The following PABPC4L variants were observed in gnomAD, a reference collection of about 807,000 sequenced individuals.
PABPC4L encodes the protein polyadenylate-binding protein 4-like.
For synonymous variants in PABPC4L, 169 were observed against 164.1 expected (o/e 1.03, Z -0.23); for missense variants, 452 against 451.4 (o/e 1.00, Z -0.01).
Position 134,196,984 on chromosome 4 carries a change from G to C in PABPC4L, c.*2923C>G, listed in dbSNP as rs1221997850. The C allele has an allele frequency of 3.3e-5, 5 of 151,664 alleles. No homozygotes were observed. Among genetic ancestry groups the C allele is most frequent in the African/African-American group, 1.2e-4 (5 of 41,402 alleles). The allele number at this position is 151,664 out of a possible 1,614,324, so 9.4% of individuals were successfully genotyped here. A position where few individuals can be genotyped will look rare whatever the true frequency, so the allele number is the denominator to read the frequency against. ...TCCTGATATTATCTTGAAAGATTATGTAAGCATTATCAAATATTGTTCAAA... is the reference window on the plus strand; with the variant it reads ...TCCTGATATTATCTTGAAAGATTATCTAAGCATTATCAAATATTGTTCAAA... On this transcript the variant is annotated 3_prime_UTR_variant, in exon 2 of 2. Coordinates refer to ENST00000421491, the MANE Select transcript of PABPC4L (RefSeq NM_001114734.2).
At chr4:134,015,319 CA>C in the PABPC4L span, among the ~76,000 whole-genome samples, 15 of 152,114 alleles carry the variant, frequency 9.9e-5, no homozygotes. Context: ...GCCTTATCAA[CA>C]AAATTGTTTT....
the PABPC4L span, among the ~76,000 whole-genome samples, chr4:134,061,033 T>TA: frequency 2.0e-5 from 3 of 151,978 alleles, no homozygotes; most frequent in Middle Eastern, 3.4e-3. Flanking sequence ...GTGACTATAG[T>TA]AAAAAAATAA....
the PABPC4L span, among the ~76,000 whole-genome samples, chr4:134,087,399 A>T: frequency 6.6e-6 from 1 of 152,202 alleles, no homozygotes; most frequent in East Asian, 1.9e-4. Context: ...TTGGTCACTC[A>T]CTATTTGGCT....
chr4:134,188,481 G>A, the PABPC4L span, among the ~76,000 whole-genome samples: 4 of 152,096 alleles, frequency 2.6e-5, no homozygotes. Flanking sequence ...CTCTTGCAAG[G>A]AAGGTGTACT....
In PABPC4L at chr4:134,200,737, A is replaced by G; in HGVS notation, c.283T>C (p.Ser95Pro). 6.4e-7 allele frequency: 1 copy of G among 1,551,694 alleles called. No individual in the cohort carries two copies. ...TTGATGAATACGTTCCCAATTCCAG[A>G]TCTCCTCAAGTAGGCATCGCGCTGA... ...WSQRDAYLRR[S>P]GIGNVFIKNL... The change falls in exon 2 of 2, where the codon TCT (serine) becomes CCT (proline). Residue 95 changes from serine to proline, a missense_variant. Physicochemically the swap from Ser to Pro is moderately conservative, Grantham distance 74. Coordinates refer to ENST00000421491, the MANE Select transcript of PABPC4L (RefSeq NM_001114734.2).
chr4:133,994,452 T>A, the PABPC4L span, among the ~76,000 whole-genome samples: 1 of 152,116 alleles, frequency 6.6e-6, no homozygotes. Context: ...AGAGGTTGTA[T>A]AACTGCTTTT....
the PABPC4L span, among the ~76,000 whole-genome samples, chr4:134,022,689 G>C: frequency 6.6e-6 from 1 of 151,598 alleles, no homozygotes; most frequent in Non-Finnish European, 1.5e-5. Flanking sequence ...ATTTAGTTTA[G>C]TTTTGTTTTT....
chr4:133,984,513 G>A, the PABPC4L span, among the ~76,000 whole-genome samples: 1 of 151,786 alleles, frequency 6.6e-6, no homozygotes, highest in Non-Finnish European at 1.5e-5. Flanking sequence ...TATATCATTA[G>A]TCATGTAGGT....
At chr4:133,986,988 G>A in the PABPC4L span, among the ~76,000 whole-genome samples, 2 of 151,974 alleles carry the variant, frequency 1.3e-5, no homozygotes, top group African/African-American at 4.8e-5. Context: ...TACCCGACTC[G>A]ACCTCCCAAA....
At chr4:134,130,236 C>A in the PABPC4L span, among the ~76,000 whole-genome samples, 1 of 151,466 alleles carries the variant, frequency 6.6e-6, no homozygotes, top group Non-Finnish European at 1.5e-5. Context: ...ATAAATGAAA[C>A]AAAAACCTGA....
At chr4:134,133,583 G>A in the PABPC4L span, among the ~76,000 whole-genome samples, 2 of 151,272 alleles carry the variant, frequency 1.3e-5, no homozygotes, top group African/African-American at 4.9e-5. Flanking sequence ...CCTCAAGAAT[G>A]GAAACCCAAT....
chr4:133,954,458 T>C, the PABPC4L span, among the ~76,000 whole-genome samples: 4 of 152,126 alleles, frequency 2.6e-5, no homozygotes, highest in African/African-American at 7.2e-5. Context: ...ACCAAAGACT[T>C]ATGAATGGGA....
the PABPC4L span, among the ~76,000 whole-genome samples, chr4:134,099,682 T>C: frequency 6.6e-6 from 1 of 151,772 alleles, no homozygotes; most frequent in East Asian, 1.9e-4. Flanking sequence ...GATTTGGAAA[T>C]AAGCTTGACA....
downstream of PABPC4L, among the ~76,000 whole-genome samples, chr4:134,192,136 T>C (rs575438700): frequency 5.9e-5 from 9 of 152,258 alleles, no homozygotes; most frequent in South Asian, 2.1e-4. Context: ...TCAAGTGATA[T>C]ATGAATAAAC....
At chr4:134,078,831 T>G in the PABPC4L span, among the ~76,000 whole-genome samples, 1 of 151,344 alleles carries the variant, frequency 6.6e-6, no homozygotes, top group Non-Finnish European at 1.5e-5. Context: ...TTTTTTTTCT[T>G]TTTTTTCTTT....
the PABPC4L span, among the ~76,000 whole-genome samples, chr4:134,150,931 A>T: frequency 6.6e-6 from 1 of 152,200 alleles, no homozygotes; most frequent in Non-Finnish European, 1.5e-5. Context: ...TATATTAATA[A>T]ACGAAACATG....
the PABPC4L span, among the ~76,000 whole-genome samples, chr4:133,999,408 G>A: frequency 6.6e-6 from 1 of 151,928 alleles, no homozygotes; most frequent in Non-Finnish European, 1.5e-5. Context: ...GCTTCCTTTT[G>A]TCGTTGTTGT....
chr4:134,187,058 G>C, the PABPC4L span, among the ~76,000 whole-genome samples: 4 of 152,230 alleles, frequency 2.6e-5, no homozygotes, highest in Non-Finnish European at 5.9e-5. Context: ...TGCTGGAGAG[G>C]ATGTGGAGAA....
chr4:133,981,440 A>G, the PABPC4L span, among the ~76,000 whole-genome samples: 1 of 152,148 alleles, frequency 6.6e-6, no homozygotes, highest in Non-Finnish European at 1.5e-5. Flanking sequence ...AAACAATTCT[A>G]TTGAAAAAAA....
Sources: gnomAD v4.1 joint callset for allele counts (sites outside exome capture counted in the v4.1 genomes callset) on GRCh38, gnomAD v4.1.1 for gene constraint, MANE v1.5 for transcripts, NCBI Gene and HGNC (gene_info 2026-07-23, HGNC 2026-07-21) for gene names.